PRKCE: variants seen among roughly 807,000 people sequenced by gnomAD.
The protein encoded by PRKCE is protein kinase C epsilon type.
Under a neutral mutation model 85.4 loss-of-function variants are expected in PRKCE, and 16 were observed. That is an observed-to-expected ratio of 0.19 (90% CI 0.13 to 0.28). PRKCE has a LOEUF of 0.28. PRKCE is among the 10% of genes least tolerant of loss of function. The pLI is 1.00. For synonymous variants in PRKCE, 388 were observed against 371.5 expected (o/e 1.04, Z -0.51); for missense variants, 573 against 975.2 (o/e 0.59, Z 5.49).
chr2:45,800,548 T>A (rs911585077), intron 1 of PRKCE, among the ~76,000 whole-genome samples: 1 of 152,144 alleles, frequency 6.6e-6, no homozygotes, highest in Admixed American at 6.5e-5. Context: ...AGACTGGGGT[T>A]TGAGGGCAGC....
intron 13 of PRKCE, among the ~76,000 whole-genome samples, chr2:46,152,784 T>C (rs1409319993): frequency 1.3e-5 from 2 of 152,080 alleles, no homozygotes; most frequent in East Asian, 3.9e-4. Context: ...CCTGACCTCA[T>C]GATCCACCCA....
intron 11 of PRKCE, among the ~76,000 whole-genome samples, chr2:46,110,401 C>T (rs909951883): frequency 6.6e-6 from 1 of 152,082 alleles, no homozygotes; most frequent in Non-Finnish European, 1.5e-5. Flanking sequence ...TTATCTATTT[C>T]TCCTTGTGTG....
chr2:45,699,161 C>T (rs1454079347), intron 1 of PRKCE, among the ~76,000 whole-genome samples: 2 of 152,012 alleles, frequency 1.3e-5, no homozygotes, highest in African/African-American at 4.8e-5. Context: ...TCCCTCCTGT[C>T]CTCCTCCCTG....
chr2:45,894,281 T>A (rs1483886693), intron 2 of PRKCE, among the ~76,000 whole-genome samples: 1 of 151,960 alleles, frequency 6.6e-6, no homozygotes, highest in African/African-American at 2.4e-5. Context: ...GGAAACAGGT[T>A]GTTTAATAAA....
intron 1 of PRKCE, among the ~76,000 whole-genome samples, chr2:45,751,496 A>G (rs1387423450): frequency 9.8e-6 from 1 of 102,042 alleles, no homozygotes; most frequent in African/African-American, 4.2e-5. Flanking sequence ...AAGTTTCCAT[A>G]TTGTTTATTT....
At chr2:45,769,322 T>C (rs936411155) in intron 1 of PRKCE, among the ~76,000 whole-genome samples, 1 of 151,674 alleles carries the variant, frequency 6.6e-6, no homozygotes, top group African/African-American at 2.4e-5. Context: ...TTAGTTGCCA[T>C]TTTTTCTTAC....
intron 6 of PRKCE, among the ~76,000 whole-genome samples, chr2:45,996,742 ATTG>A (rs1249001782): frequency 6.6e-6 from 1 of 151,976 alleles, no homozygotes; most frequent in Non-Finnish European, 1.5e-5. Flanking sequence ...CAATTTGCTG[ATTG>A]TTGTTGAAGA....
At chr2:46,126,285 TG>T (rs1558481945) in intron 11 of PRKCE, among the ~76,000 whole-genome samples, 1 of 152,278 alleles carries the variant, frequency 6.6e-6, no homozygotes, top group African/African-American at 2.4e-5. Context: ...TGCAGCGTGC[TG>T]GGGGGATACA....
At chr2:46,018,334 A>T (rs543214999) in intron 10 of PRKCE, among the ~76,000 whole-genome samples, 155 of 152,230 alleles carry the variant, frequency 1.0e-3, no homozygotes, top group Non-Finnish European at 1.5e-3. Context: ...GGTGTGGGGA[A>T]AGGTAGGTAG....
chr2:45,878,804 C>T (rs1381911174), intron 2 of PRKCE, among the ~76,000 whole-genome samples: 3 of 152,180 alleles, frequency 2.0e-5, no homozygotes, highest in African/African-American at 7.2e-5. Flanking sequence ...AAAAGATGCA[C>T]TTATTTTTCT....
chr2:46,047,966 A>G (rs1708627236), intron 10 of PRKCE, among the ~76,000 whole-genome samples: 1 of 152,202 alleles, frequency 6.6e-6, no homozygotes, highest in Non-Finnish European at 1.5e-5. Flanking sequence ...AGCTCATTAA[A>G]TGTAAAAAGT....
intron 10 of PRKCE, among the ~76,000 whole-genome samples, chr2:46,048,257 C>G (rs1389924129): frequency 6.6e-6 from 1 of 152,140 alleles, no homozygotes; most frequent in African/African-American, 2.4e-5. Flanking sequence ...GCCTTATTTT[C>G]CTTATCTGTG....
intron 6 of PRKCE, among the ~76,000 whole-genome samples, chr2:45,992,578 C>G (rs1195514100): frequency 6.6e-6 from 1 of 152,210 alleles, no homozygotes. Context: ...ATGACTGGAA[C>G]CTGTTATGAA....
intron 1 of PRKCE, among the ~76,000 whole-genome samples, chr2:45,664,476 G>A (rs988515411): frequency 2.0e-5 from 3 of 152,152 alleles, no homozygotes; most frequent in Admixed American, 6.5e-5. Flanking sequence ...CTTCTGTTTG[G>A]GGATTTTATT....
intron 1 of PRKCE, among the ~76,000 whole-genome samples, chr2:45,747,792 A>G (rs570701990): frequency 6.6e-6 from 1 of 152,290 alleles, no homozygotes; most frequent in South Asian, 2.1e-4. Flanking sequence ...TGTTTTTCAT[A>G]GCAGCTGCAC....
At chr2:45,862,926 G>T (rs1350229353) in intron 2 of PRKCE, among the ~76,000 whole-genome samples, 1 of 152,184 alleles carries the variant, frequency 6.6e-6, no homozygotes, top group African/African-American at 2.4e-5. Flanking sequence ...AGGGCCTTCT[G>T]GCTGAGATCC....
Position 46,001,865 on chromosome 2 carries a change from C to T in PRKCE, c.966+319C>T, listed in dbSNP as rs1301910288. Among the ~76,000 whole-genome samples the T allele has an allele frequency of 1.3e-5, 2 of 152,208 alleles. No homozygotes were observed. The highest frequency in any genetic ancestry group is 2.9e-5 in the Non-Finnish European group (2 of 68,030). On this transcript the variant is annotated intron_variant, in intron 7 of 14. Coordinates refer to ENST00000306156, the MANE Select transcript of PRKCE (RefSeq NM_005400.3). This position sits in a 1 kb window ranked among gnomAD's most constrained non-coding sequence, Gnocchi z 4.4. ...ACTCCATACAAGGAAATGGACTTAT[C>T]TGCTTCCAGAACTGGCATGAAAGCA...
chr2:45,984,708 C>A, intron 6 of PRKCE, 28 bp downstream of exon 6: 1 of 1,585,190 alleles, frequency 6.3e-7, no homozygotes, highest in Non-Finnish European at 8.6e-7. Flanking sequence ...CTGCCCTCAG[C>A]CCCTGCATGT....
At chr2:45,799,863 C>T (rs535768640) in intron 1 of PRKCE, among the ~76,000 whole-genome samples, 1 of 152,160 alleles carries the variant, frequency 6.6e-6, no homozygotes, top group African/African-American at 2.4e-5. Context: ...CCAGCAGAGG[C>T]AGGATCAGGA....
Sources: allele counts gnomAD v4.1 joint callset (sites outside exome capture counted in the v4.1 genomes callset), GRCh38; gene constraint gnomAD v4.1.1; non-coding constraint Gnocchi (gnomAD v3.1); transcripts MANE v1.5; gene names NCBI Gene and HGNC (gene_info 2026-07-23, HGNC 2026-07-21).